FRAS1: variants seen among roughly 807,000 people sequenced by gnomAD.
The protein encoded by FRAS1 is Fraser extracellular matrix complex subunit 1, also known as extracellular matrix organizing protein FRAS1.
In FRAS1, 290 loss-of-function variants were observed where a neutral mutation model predicts 435.2. The ratio of observed to expected loss-of-function variants is 0.67; its 90% CI spans 0.61 to 0.73. The LOEUF is 0.73. Among genes scored for constraint, FRAS1 ranks in the 30% least tolerant of loss-of-function variants. The probability of loss-of-function intolerance (pLI) is 0.00; values close to 1 mark genes in which losing one functional copy is unlikely to be tolerated. For synonymous variants in FRAS1, 1,800 were observed against 1,851.0 expected, an observed-to-expected ratio of 0.97 and a Z score of 0.71; for missense variants, 4,860 against 5,001.5, an observed-to-expected ratio of 0.97 and a Z score of 0.85.
chr4:78,098,284 T>TG (rs1369219675), intron 2 of FRAS1, among the ~76,000 whole-genome samples: 4 of 150,526 alleles, frequency 2.7e-5, no homozygotes, highest in African/African-American at 4.9e-5. Context: ...TTCTTTTTTT[T>TG]TTTTTTTTGG....
At chr4:78,444,282 G>A in intron 41 of FRAS1, 1 of 332,098 alleles carries the variant, frequency 3.0e-6, no homozygotes, top group Non-Finnish European at 6.0e-6. Context: ...GAACTGTATA[G>A]CCTAATGATT....
At chr4:78,127,508 A>T (rs547084227) in intron 2 of FRAS1, among the ~76,000 whole-genome samples, 3 of 152,242 alleles carry the variant, frequency 2.0e-5, no homozygotes, top group South Asian at 4.1e-4. Context: ...ACTGGGGTGG[A>T]GAAGAGGAGG....
intron 2 of FRAS1, chr4:78,181,046 A>C (rs148510075): frequency 0.011 from 17,236 of 1,579,686 alleles, 181 homozygotes; most frequent in Middle Eastern, 0.042. Context: ...ACGTTATATC[A>C]TTTGCTGGCT....
At position 78,450,198 on chromosome 4, in the gene FRAS1, G is replaced by A. The variant is rs1297756510; in HGVS notation, c.6322G>A (p.Asp2108Asn). The A allele has an allele frequency of 3.7e-6, 6 of 1,613,638 alleles. No individual in the cohort carries two copies. The highest frequency in any genetic ancestry group is 1.3e-5 in the African/African-American group (1 of 74,904). Residue 2108 changes from aspartate (D) to asparagine (N), a missense_variant, in exon 45 of 74, where the codon GAC becomes AAC. Physicochemically the swap from Asp to Asn is conservative, Grantham distance 23 (BLOSUM62 1). Transcript: ENST00000512123. ...ACAGCACTTGAAAGTGACAGATATT[G>A]ACTCAGATGACCATCAGGTTATGTA... ...TEQHLKVTDI[D>N]SDDHQVMYIM...
chr4:78,157,927 A>G (rs993754637), intron 2 of FRAS1, among the ~76,000 whole-genome samples: 3 of 152,262 alleles, frequency 2.0e-5, no homozygotes, highest in Non-Finnish European at 2.9e-5. Context: ...CTGAATGGGA[A>G]ATCCTTACCC....
At chr4:78,194,971 G>T (rs988577342) in intron 2 of FRAS1, among the ~76,000 whole-genome samples, 1 of 152,060 alleles carries the variant, frequency 6.6e-6, no homozygotes, top group Non-Finnish European at 1.5e-5. Flanking sequence ...CCTTTCTGTT[G>T]GTTAGTTTTC....
At position 78,057,613 on chromosome 4, in the gene FRAS1, A is replaced by G. The variant is rs2109833890; in HGVS notation, c.-397A>G. On this transcript the variant is annotated 5_prime_UTR_variant, in exon 1 of 74. Coordinates refer to ENST00000512123, the MANE Select transcript of FRAS1 (RefSeq NM_025074.7). The surrounding 1 kb of genome is among the most constrained non-coding windows in gnomAD (Gnocchi z 4.2). ...CGGACAAACCAGAGCCAGGATTTCCACTGTCGGGGACCCGGGATCGGAAGG... is the reference window on the plus strand; with the variant it reads ...CGGACAAACCAGAGCCAGGATTTCCGCTGTCGGGGACCCGGGATCGGAAGG... 4.7e-6 allele frequency: 1 copy of G among 212,896 alleles called. No homozygotes were observed. Among genetic ancestry groups the G allele is most frequent in the Non-Finnish European group, 9.3e-6 (1 of 107,678 alleles). 13.2% of individuals were successfully genotyped at this position (212,896 alleles called of 1,614,324 possible).
At position 78,450,347 on chromosome 4, in the gene FRAS1, A is replaced by G. The variant is rs759594086; in HGVS notation, c.6463+8A>G. 1.2e-6 allele frequency: 2 copies of G among 1,612,998 alleles called. No homozygotes were observed. The highest frequency in any genetic ancestry group is 1.7e-4 in the Middle Eastern group (1 of 6,026). ...AGGCAGACATTAGCCAAGGTCAGCC[A>G]GTTCTCTTCTGCCTACCAGGCTTCC... is the stretch of plus-strand genomic sequence containing the variant. On this transcript the variant is annotated splice_region_variant and intron_variant, in intron 45 of 73. Transcript: ENST00000512123.
chr4:78,224,954 G>A (rs565825130), intron 2 of FRAS1, among the ~76,000 whole-genome samples: 15 of 152,222 alleles, frequency 9.9e-5, no homozygotes, highest in East Asian at 3.9e-4. Context: ...ACTTGTTTGC[G>A]CATTAGTAGT....
intron 2 of FRAS1, among the ~76,000 whole-genome samples, chr4:78,113,968 C>T (rs1371185991): frequency 1.3e-5 from 2 of 152,116 alleles, no homozygotes; most frequent in Non-Finnish European, 2.9e-5. Flanking sequence ...TTAGGTCTAA[C>T]ATGTAAGTCT....
chr4:78,231,618 A>G (rs1238213405), intron 2 of FRAS1, among the ~76,000 whole-genome samples: 2 of 152,170 alleles, frequency 1.3e-5, no homozygotes, highest in Non-Finnish European at 2.9e-5. Context: ...TACACCATTT[A>G]GATGAAAGAA....
chr4:78,274,500 T>G (rs1350015106), intron 9 of FRAS1, among the ~76,000 whole-genome samples: 4 of 152,186 alleles, frequency 2.6e-5, no homozygotes, highest in African/African-American at 9.7e-5. Flanking sequence ...GTCCCAGAGA[T>G]TCTGGTATGT....
chr4:78,213,576 C>G (rs1723610350), intron 2 of FRAS1, among the ~76,000 whole-genome samples: 2 of 152,074 alleles, frequency 1.3e-5, no homozygotes, highest in Admixed American at 1.3e-4. Context: ...GCACATAGAG[C>G]TTTTGTAATC....
In FRAS1 at chr4:78,413,056, G is replaced by A. The variant is rs546764418; in HGVS notation, c.4396G>A (p.Val1466Met). The change falls in exon 32 of 74, where the codon GTG becomes ATG. Residue 1466 changes from valine to methionine, a missense_variant. Transcript: ENST00000512123. ...ACCACAGACACCTGAAGCACCTAAA[G>A]TGTCTCTGGAAGCATCTCTCCATAT... is the stretch of plus-strand genomic sequence containing the variant. ...ILPQTPEAPK[V>M]SLEASLHMTA... is the part of the protein sequence containing the mutation. The A allele has an allele frequency of 5.0e-6, 8 of 1,610,652 alleles. No individual in the cohort carries two copies. In the South Asian group the frequency reaches 5.5e-5, roughly 11 times the overall value.
At chr4:78,268,616 A>T (rs894674772) in intron 9 of FRAS1, among the ~76,000 whole-genome samples, 4 of 152,166 alleles carry the variant, frequency 2.6e-5, no homozygotes, top group African/African-American at 4.8e-5. Context: ...TTATGAAAAA[A>T]TGTGGGAGAG....
chr4:78,214,402 C>T (rs112450584), intron 2 of FRAS1, among the ~76,000 whole-genome samples: 18 of 152,210 alleles, frequency 1.2e-4, no homozygotes, highest in Non-Finnish European at 2.5e-4. Context: ...TAAGCAAACA[C>T]AGAAGTTGAG....
intron 18 of FRAS1, among the ~76,000 whole-genome samples, chr4:78,324,936 G>A (rs1019527152): frequency 9.9e-5 from 15 of 152,144 alleles, no homozygotes; most frequent in African/African-American, 3.4e-4. Context: ...AGTTCAGCAT[G>A]AGGATTAAAT....
At chr4:78,503,802 A>C (rs1720749931) in intron 61 of FRAS1, among the ~76,000 whole-genome samples, 1 of 152,056 alleles carries the variant, frequency 6.6e-6, no homozygotes, top group Admixed American at 6.5e-5. Flanking sequence ...TTTAACTGTG[A>C]TGTTAGGGTG....
At chr4:78,371,491 C>G (rs1021515625) in intron 23 of FRAS1, among the ~76,000 whole-genome samples, 1 of 152,290 alleles carries the variant, frequency 6.6e-6, no homozygotes, top group East Asian at 1.9e-4. Context: ...ATGCCAGGCA[C>G]TGTGCTAAAT....
Sources: gnomAD v4.1 joint callset for allele counts (sites outside exome capture counted in the v4.1 genomes callset) on GRCh38, gnomAD v4.1.1 for gene constraint, Gnocchi (gnomAD v3.1) non-coding constraint, MANE v1.5 for transcripts, NCBI Gene and HGNC (gene_info 2026-07-23, HGNC 2026-07-21) for gene names.